Variants in RANGAP1 observed in about 807,000 individuals in gnomAD.
RANGAP1 encodes Ran GTPase activating protein 1.
In RANGAP1, 38 loss-of-function variants were observed where a neutral mutation model predicts 63.5. The observed-to-expected ratio is 0.60, with a 90% CI of 0.46 to 0.78. RANGAP1 has a LOEUF of 0.78. RANGAP1 is among the 30% of genes least tolerant of loss of function. The pLI is 0.00. For missense variants in RANGAP1, 630 were observed against 740.3 expected, an observed-to-expected ratio of 0.85 and a Z score of 1.73; for synonymous variants, 329 against 310.5, an observed-to-expected ratio of 1.06 and a Z score of -0.63.
intron 3 of RANGAP1, among the ~76,000 whole-genome samples, chr22:41,269,408 T>C (rs1204520668): frequency 6.6e-6 from 1 of 152,164 alleles, no homozygotes; most frequent in Non-Finnish European, 1.5e-5. Context: ...ACAGGGTAAC[T>C]ATTGTTTACA....
the RANGAP1 span, among the ~76,000 whole-genome samples, chr22:41,298,749 C>G: frequency 1.3e-5 from 2 of 152,210 alleles, no homozygotes; most frequent in African/African-American, 4.8e-5. Context: ...GATCTGCCCA[C>G]CTCGGCCTCC....
At chr22:41,267,367 A>G (rs1460657813) in intron 4 of RANGAP1, among the ~76,000 whole-genome samples, 1 of 152,108 alleles carries the variant, frequency 6.6e-6, no homozygotes, top group Non-Finnish European at 1.5e-5. Flanking sequence ...GGTTGGGCGC[A>G]ACCAGGGTGA....
At chr22:41,271,286 G>T (rs1281695381) in intron 3 of RANGAP1, among the ~76,000 whole-genome samples, 2 of 151,468 alleles carry the variant, frequency 1.3e-5, no homozygotes, top group African/African-American at 4.8e-5. Context: ...TACCTGGGGG[G>T]CTGAGATGGA....
chr22:41,287,236 A>T (rs555603419), upstream of RANGAP1, among the ~76,000 whole-genome samples: 1 of 152,250 alleles, frequency 6.6e-6, no homozygotes, highest in Admixed American at 6.5e-5. Context: ...ATACCTATAC[A>T]TATACATAGA....
chr22:41,262,400 GGGCATCCTT>G (rs1320855142), intron 5 of RANGAP1, among the ~76,000 whole-genome samples: 1 of 152,078 alleles, frequency 6.6e-6, no homozygotes, highest in Non-Finnish European at 1.5e-5. Flanking sequence ...GCTAGGGCCT[GGGCATCCTT>G]GGCATATTTT....
intron 1 of RANGAP1, chr22:41,281,718 G>C: frequency 1.2e-6 from 1 of 860,240 alleles, no homozygotes; most frequent in Non-Finnish European, 1.4e-6. Context: ...TAATAGGACA[G>C]GGACAGGGCT....
chr22:41,285,624 C>T (rs1393392980), intron 1 of RANGAP1: 2 of 985,404 alleles, frequency 2.0e-6, no homozygotes, highest in Non-Finnish European at 2.4e-6. Flanking sequence ...GGGAGCGACG[C>T]GCGAATACAG....
chr22:41,261,690 G>C, intron 5 of RANGAP1, 110 bp from the exon 6 acceptor site: 2 of 1,390,052 alleles, frequency 1.4e-6, no homozygotes, highest in South Asian at 1.3e-5. Flanking sequence ...CATCGGTGCA[G>C]GTCAGGGGAC....
intron 15 of RANGAP1, among the ~76,000 whole-genome samples, chr22:41,246,954 C>T (rs1036935595): frequency 2.0e-5 from 3 of 152,216 alleles, no homozygotes; most frequent in Non-Finnish European, 2.9e-5. Context: ...CCAGGGAATC[C>T]TTACTGGCTG....
At chr22:41,248,612 A>T (rs2033215572) in intron 15 of RANGAP1, among the ~76,000 whole-genome samples, 1 of 152,172 alleles carries the variant, frequency 6.6e-6, no homozygotes, top group Admixed American at 6.5e-5. Context: ...GCTTGGAGAC[A>T]ATCTCACCTA....
At chr22:41,296,334 T>C in the RANGAP1 span, among the ~76,000 whole-genome samples, 1 of 152,008 alleles carries the variant, frequency 6.6e-6, no homozygotes, top group African/African-American at 2.4e-5. Flanking sequence ...ACACTGATTA[T>C]GAATTTAAAA....
At chr22:41,272,572 G>A (rs2034902002) in intron 3 of RANGAP1, among the ~76,000 whole-genome samples, 1 of 151,950 alleles carries the variant, frequency 6.6e-6, no homozygotes, top group Non-Finnish European at 1.5e-5. Context: ...CTAGGCTGGA[G>A]GGCAGTGGCG....
At chr22:41,258,666 CTTT>C (rs550730573) in intron 6 of RANGAP1, among the ~76,000 whole-genome samples, 290 of 151,408 alleles carry the variant, frequency 1.9e-3, no homozygotes, top group African/African-American at 6.5e-3. Flanking sequence ...TTTTTTTTTC[CTTT>C]TTTGAGACGG....
At chr22:41,249,303 C>A in intron 15 of RANGAP1, 27 bp downstream of exon 15, 2 of 1,567,068 alleles carry the variant, frequency 1.3e-6, no homozygotes, top group East Asian at 2.3e-5. Flanking sequence ...AGGGCAGGCA[C>A]CGGCAGAAGG....
At chr22:41,278,623 C>T (rs1410941412) in intron 2 of RANGAP1, among the ~76,000 whole-genome samples, 5 of 152,254 alleles carry the variant, frequency 3.3e-5, no homozygotes, top group African/African-American at 1.2e-4. Context: ...CTGTGAAAAT[C>T]CTAGCTCTGC....
chr22:41,272,812 CTTT>C (rs951444521), intron 3 of RANGAP1, among the ~76,000 whole-genome samples: 10 of 148,162 alleles, frequency 6.7e-5, no homozygotes, highest in Admixed American at 2.7e-4. Context: ...CCAGGCCCGG[CTTT>C]TTTTTTTCTT....
At chr22:41,260,268 A>C (rs1163490091) in intron 6 of RANGAP1, among the ~76,000 whole-genome samples, 1 of 152,164 alleles carries the variant, frequency 6.6e-6, no homozygotes, top group South Asian at 2.1e-4. Flanking sequence ...ATGAAGGCTC[A>C]ACACAACCAC....
At chr22:41,273,919 C>A (rs2034988694) in intron 3 of RANGAP1, among the ~76,000 whole-genome samples, 1 of 150,198 alleles carries the variant, frequency 6.7e-6, no homozygotes, top group African/African-American at 2.4e-5. Context: ...ACTAAAAATA[C>A]AAAAAAAAAT....
rs756696886 is a variant in RANGAP1 at position 41,256,084 on chromosome 22, C to A, written c.1010G>T (p.Gly337Val). The A allele has an allele frequency of 6.2e-7, 1 of 1,614,128 alleles. No homozygotes were observed. The highest frequency in any genetic ancestry group is 1.7e-5 in the Admixed American group (1 of 60,020). Residue 337 changes from glycine (G) to valine (V), a missense_variant, in exon 10 of 16, where the codon GGC becomes GTC. Coordinates refer to ENST00000356244, the MANE Select transcript of RANGAP1 (RefSeq NM_002883.4). ...DLNGNTLGEE[G>V]CEQLQEVLEG... is the part of the protein sequence containing the mutation. ...CAGCACCTCCTGAAGCTGTTCACAGCCTTCTTCTCCCAGGGTGTTGCCTGC... is the reference window on the plus strand; with the variant it reads ...CAGCACCTCCTGAAGCTGTTCACAGACTTCTTCTCCCAGGGTGTTGCCTGC...
Sources: allele counts gnomAD v4.1 joint callset (sites outside exome capture counted in the v4.1 genomes callset), GRCh38; gene constraint gnomAD v4.1.1; transcripts MANE v1.5; gene names NCBI Gene and HGNC (gene_info 2026-07-23, HGNC 2026-07-21).